The following ALDH6A1 variants were observed in gnomAD, a reference collection of about 807,000 sequenced individuals.
The protein encoded by ALDH6A1 is methylmalonate-semialdehyde/malonate-semialdehyde dehydrogenase [acylating], mitochondrial.
Under a neutral mutation model 62.6 loss-of-function variants are expected in ALDH6A1, and 43 were observed. The ratio of observed to expected loss-of-function variants is 0.69; its 90% confidence interval spans 0.54 to 0.89. The LOEUF (loss-of-function observed/expected upper bound fraction) is 0.89, where lower values mean the gene tolerates loss of function less well. Ranked by LOEUF, ALDH6A1 falls within the 40% of genes least tolerant of loss-of-function variation. The pLI, the probability that ALDH6A1 is intolerant of heterozygous loss-of-function variation, is 0.00. For missense variants in ALDH6A1, 551 were observed against 661.3 expected, an observed-to-expected ratio of 0.83 and a Z score of 1.83; for synonymous variants, 194 against 234.2, an observed-to-expected ratio of 0.83 and a Z score of 1.57.
chr14:74,068,879 T>G lies in ALDH6A1; in HGVS notation c.833A>C (p.Lys278Thr). The change falls in exon 7 of 12, where the codon AAG becomes ACG. Residue 278 changes from lysine (K) to threonine (T), a missense_variant. Lys to Thr is a moderately conservative substitution (Grantham distance 78, BLOSUM62 -1). Coordinates refer to ENST00000553458, the MANE Select transcript of ALDH6A1 (RefSeq NM_005589.4). The stretch of plus-strand genomic sequence containing the variant: ...AGTCACCATATTGGCTTGAACCCTC[T>G]TGCCATGTCTTGATCCTCTCTCGAA... ...YIFERGSRHG[K>T]RVQANMGAKN... 1 of 1,614,090 alleles carries G rather than the reference T, an allele frequency of 6.2e-7. No individual in the cohort carries two copies. Among genetic ancestry groups the G allele is most frequent in the Non-Finnish European group, 8.5e-7 (1 of 1,179,976 alleles).
chr14:74,061,562 GTGATCCGC>G (rs2139732508), intron 11 of ALDH6A1, among the ~76,000 whole-genome samples: 1 of 149,946 alleles, frequency 6.7e-6, no homozygotes, highest in East Asian at 2.2e-4. Flanking sequence ...CTGACCTCAG[GTGATCCGC>G]CAGTCTTGGT....
At position 74,056,990 on chromosome 14, in the gene ALDH6A1, C is replaced by G. The variant is rs2060226075; in HGVS notation, c.*3652G>C. The G allele has an allele frequency of 6.2e-7, 1 of 1,610,926 alleles. No individual in the cohort carries two copies. The highest frequency in any genetic ancestry group is 8.5e-7 in the Non-Finnish European group (1 of 1,178,036). On this transcript the variant is annotated 3_prime_UTR_variant, in exon 12 of 12. Coordinates refer to ENST00000553458, the MANE Select transcript of ALDH6A1 (RefSeq NM_005589.4). ...AAACAAAGGAATTTGGGTAAGAGCT[C>G]TCTTGCTTAAGTAATAAACATGAGC...
chr14:74,072,045 A>T, intron 4 of ALDH6A1, 71 bp from the exon 5 acceptor site: 1 of 1,579,890 alleles, frequency 6.3e-7, no homozygotes. Flanking sequence ...GTAGCAAAGG[A>T]AGAATAAGAC....
rs1256429812 is a variant in ALDH6A1, at chr14:74,060,918, A to G, written c.1504-172T>C. Among the ~76,000 whole-genome samples, 5 of 152,104 alleles carry G rather than the reference A, an allele frequency of 3.3e-5. No individual in the cohort carries two copies. The East Asian group carries it at 7.7e-4, about 23-fold the overall frequency. ...ATAATTGATCTAAAACATTTAACAT[A>G]ATACCTGGCAGATAGTAAACAATCA... On this transcript the variant is annotated intron_variant, in intron 11 of 11. Transcript: ENST00000553458.
rs777443177 is a variant in ALDH6A1 at position 74,066,687 on chromosome 14, G to T, written c.1224+18C>A. On this transcript the variant is annotated intron_variant, in intron 9 of 11. Transcript: ENST00000553458. ...AGGTGCCTTCAGCTCTCATATTTGT[G>T]AAGTGAAAGTTGTTCACCTTGACAT... is the stretch of plus-strand genomic sequence containing the variant. 8 of 1,611,396 alleles carry T rather than the reference G, an allele frequency of 5.0e-6. No homozygotes were observed. Among genetic ancestry groups the T allele is most frequent in the Non-Finnish European group, 5.9e-6 (7 of 1,177,718 alleles).
At chr14:74,067,085 G>A (rs945709437) in intron 8 of ALDH6A1, among the ~76,000 whole-genome samples, 199 bp from the exon 9 acceptor site, 5 of 152,134 alleles carry the variant, frequency 3.3e-5, no homozygotes, top group East Asian at 1.9e-4. Context: ...GTGGTGGCCC[G>A]CACCTGTGGT....
Position 74,065,363 on chromosome 14 carries a change from G to T in ALDH6A1, c.1225-3C>A. On this transcript the variant is annotated splice_polypyrimidine_tract_variant and splice_region_variant and intron_variant, in intron 9 of 11. Coordinates refer to ENST00000553458, the MANE Select transcript of ALDH6A1 (RefSeq NM_005589.4). ...TCTTTGTAACAGGTCATATTTGGCT[G>T]CCAGGAGTGATGCATCCAGAAAAGA... 1 of 1,613,788 alleles carries T rather than the reference G, an allele frequency of 6.2e-7. No homozygotes were observed. The highest frequency in any genetic ancestry group is 1.1e-5 in the South Asian group (1 of 91,054).
chr14:74,082,589 G>A (rs769883811), intron 1 of ALDH6A1, among the ~76,000 whole-genome samples: 9 of 151,868 alleles, frequency 5.9e-5, no homozygotes, highest in Admixed American at 1.3e-4. Flanking sequence ...TAGTAGAGAA[G>A]GGGTTTTACC....
rs191682696 is a variant in ALDH6A1, at chr14:74,069,127, C to T, written c.731-146G>A. 1.0e-3 allele frequency: 692 copies of T among 672,914 alleles called. 4 individuals are homozygous for T. In the African/African-American group the frequency reaches 0.017, roughly 17 times the overall value. 41.7% of individuals were successfully genotyped at this position (672,914 alleles called of 1,614,324 possible). A position where few individuals can be genotyped will look rare whatever the true frequency, so the allele number is the denominator to read the frequency against. On this transcript the variant is annotated intron_variant, in intron 6 of 11. Coordinates refer to ENST00000553458, the MANE Select transcript of ALDH6A1 (RefSeq NM_005589.4). ...TTTTTTTTTTTTTTTTTTTTTGAGA[C>T]GGAGTCTCGCTCTGTTGCCCAGGCT...
intron 2 of ALDH6A1, among the ~76,000 whole-genome samples, chr14:74,073,567 T>A (rs1002419864): frequency 9.9e-5 from 15 of 152,222 alleles, no homozygotes; most frequent in Admixed American, 9.8e-4. Context: ...TTAGCTATTA[T>A]GACTTTTTGG....
chr14:74,082,951 G>A (rs970162251), intron 1 of ALDH6A1: 2 of 152,020 alleles, frequency 1.3e-5, no homozygotes, highest in African/African-American at 4.8e-5. Context: ...GGAGGCAAAG[G>A]AAAAAAGCCA....
chr14:74,081,036 T>G (rs2060663428), intron 1 of ALDH6A1: 1 of 152,334 alleles, frequency 6.6e-6, no homozygotes, highest in South Asian at 2.1e-4. Context: ...CTGTTTCATC[T>G]AATTTCCTTG....
At chr14:74,061,318 TTGA>T (rs2060336261) in intron 11 of ALDH6A1, among the ~76,000 whole-genome samples, 1 of 151,028 alleles carries the variant, frequency 6.6e-6, no homozygotes, top group Non-Finnish European at 1.5e-5. Context: ...TTTATTTATT[TTGA>T]GACAGAGTCT....
chr14:74,078,995 G>C (rs1017621020), intron 1 of ALDH6A1, among the ~76,000 whole-genome samples: 1 of 151,768 alleles, frequency 6.6e-6, no homozygotes, highest in Admixed American at 6.5e-5. Context: ...CCCAAGGCTT[G>C]GTCCTAGGCC....
chr14:74,072,150 ACAAACATGCC>A (rs973455139), intron 4 of ALDH6A1, 43 bp downstream of exon 4: 54 of 1,613,122 alleles, frequency 3.3e-5, no homozygotes, highest in Non-Finnish European at 9.3e-6. Context: ...TGTGAGAGTG[ACAAACATGCC>A]CTAGGTGACA....
intron 6 of ALDH6A1, among the ~76,000 whole-genome samples, chr14:74,070,453 C>G (rs1040438024): frequency 1.3e-5 from 2 of 151,914 alleles, no homozygotes; most frequent in Non-Finnish European, 2.9e-5. Context: ...TGGGAGGCAG[C>G]GGGTAGAGTG....
intron 6 of ALDH6A1, 179 bp downstream of exon 6, chr14:74,071,016 C>T (rs1013319171): frequency 5.0e-5 from 34 of 677,400 alleles, no homozygotes; most frequent in Middle Eastern, 3.9e-4. Context: ...CACTGCTATT[C>T]CCCAATCAGT....
chr14:74,063,166 G>A (rs777929486), intron 11 of ALDH6A1, among the ~76,000 whole-genome samples: 1 of 151,538 alleles, frequency 6.6e-6, no homozygotes, highest in Non-Finnish European at 1.5e-5. Flanking sequence ...CCTGTTGGCC[G>A]ATGTGGCAAT....
At chr14:74,077,620 C>T (rs576445889) in intron 1 of ALDH6A1, among the ~76,000 whole-genome samples, 3 of 152,238 alleles carry the variant, frequency 2.0e-5, no homozygotes, top group African/African-American at 7.2e-5. Context: ...CTAATCCAGT[C>T]TCAAAAGAGC....
Sources: gnomAD v4.1 joint callset for allele counts (sites outside exome capture counted in the v4.1 genomes callset) on GRCh38, gnomAD v4.1.1 for gene constraint, MANE v1.5 for transcripts, NCBI Gene and HGNC (gene_info 2026-07-23, HGNC 2026-07-21) for gene names.